The following DNAJC13 variants were observed in gnomAD, a reference collection of about 807,000 sequenced individuals.
DNAJC13 encodes DnaJ heat shock protein family (Hsp40) member C13.
Under a neutral mutation model 290.5 loss-of-function variants are expected in DNAJC13, and 75 were observed. The ratio of observed to expected loss-of-function variants is 0.26; its 90% CI spans 0.21 to 0.31. The LOEUF (loss-of-function observed/expected upper bound fraction) is 0.31. DNAJC13 is among the 10% of genes least tolerant of loss of function. The pLI, the probability that DNAJC13 is intolerant of heterozygous loss-of-function variation, is 1.00. For synonymous variants in DNAJC13, 862 were observed against 892.0 expected, an observed-to-expected ratio of 0.97 and a Z score of 0.60; for missense variants, 2,260 against 2,674.5, an observed-to-expected ratio of 0.85 and a Z score of 3.42.
chr3:132,536,442 G>A (rs1006328577), intron 55 of DNAJC13, among the ~76,000 whole-genome samples: 1 of 152,122 alleles, frequency 6.6e-6, no homozygotes, highest in Non-Finnish European at 1.5e-5. Context: ...ATCCAGCAAT[G>A]CCCCAGGGTG....
chr3:132,463,197 A>G (rs1359109775), intron 16 of DNAJC13, among the ~76,000 whole-genome samples: 1 of 152,262 alleles, frequency 6.6e-6, no homozygotes, highest in South Asian at 2.1e-4. Context: ...ATAGCACACA[A>G]TTAATCACAG....
chr3:132,525,279 G>A (rs1485068153), intron 51 of DNAJC13, among the ~76,000 whole-genome samples: 1 of 152,198 alleles, frequency 6.6e-6, no homozygotes, highest in Non-Finnish European at 1.5e-5. Context: ...GGCAGAGGTT[G>A]TGGTGAGCCG....
intron 44 of DNAJC13, among the ~76,000 whole-genome samples, chr3:132,511,684 T>G (rs1017500244): frequency 1.3e-5 from 2 of 152,116 alleles, no homozygotes; most frequent in African/African-American, 4.8e-5. Flanking sequence ...GTATAAAAAT[T>G]GAAATAAAGA....
chr3:132,494,025 GT>G (rs758851953), intron 33 of DNAJC13, 118 bp from the exon 34 acceptor site: 187 of 702,532 alleles, frequency 2.7e-4, no homozygotes, highest in Non-Finnish European at 3.8e-4. Flanking sequence ...TCAGAAAGCT[GT>G]TAATTGGACA....
In DNAJC13 at chr3:132,509,218, G is replaced by T. The variant is rs372541820; in HGVS notation, c.5116-1849G>T. ...TTCATGGGAGGAGGTAAAAATATCAGTATTAACAGGAGCTTGGAAGAAATT... is the reference window on the plus strand; with the variant it reads ...TTCATGGGAGGAGGTAAAAATATCATTATTAACAGGAGCTTGGAAGAAATT... On this transcript the variant is annotated intron_variant, in intron 43 of 55. Transcript: ENST00000260818. 1.1e-4 allele frequency among the ~76,000 whole-genome samples: 17 copies of T among 152,354 alleles called. No individual in the cohort carries two copies. In the East Asian group the frequency reaches 3.1e-3, roughly 28 times the overall value.
intron 32 of DNAJC13, among the ~76,000 whole-genome samples, chr3:132,491,387 C>G (rs1405203335): frequency 2.0e-5 from 3 of 152,122 alleles, no homozygotes; most frequent in Non-Finnish European, 4.4e-5. Context: ...AAAATCAAGA[C>G]ATACCTCTGG....
chr3:132,490,992 T>C lies in DNAJC13; in HGVS notation c.3564T>C (p.Phe1188=), dbSNP rs1363816240. Residue 1188 remains phenylalanine, a synonymous_variant, in exon 32 of 56, where the codon TTT becomes TTC. Transcript: ENST00000260818. ...CYLENYEPEK[F]SEIFLGEFDT... Reference sequence around the variant, plus strand: ...TAGAAAATTATGAACCTGAAAAGTTTTCTGAGATTTTTCTAGGAGAATTTG... The same window carrying C: ...TAGAAAATTATGAACCTGAAAAGTTCTCTGAGATTTTTCTAGGAGAATTTG... 2 of 1,612,976 alleles carry C rather than the reference T, an allele frequency of 1.2e-6. No individual in the cohort carries two copies. The highest frequency in any genetic ancestry group is 1.1e-5 in the South Asian group (1 of 90,910).
chr3:132,492,668 A>T, intron 33 of DNAJC13, 53 bp downstream of exon 33: 1 of 1,521,948 alleles, frequency 6.6e-7, no homozygotes, highest in African/African-American at 1.4e-5. Context: ...TAGCCTCTAA[A>T]CACTTCTGGG....
chr3:132,495,651 C>T (rs1576499645), intron 35 of DNAJC13, among the ~76,000 whole-genome samples: 1 of 152,024 alleles, frequency 6.6e-6, no homozygotes, highest in Non-Finnish European at 1.5e-5. Context: ...GTTTCATAAA[C>T]GATGAAATCA....
intron 26 of DNAJC13, 27 bp downstream of exon 26, chr3:132,480,497 A>G (rs759727155): frequency 6.0e-6 from 9 of 1,509,468 alleles, no homozygotes; most frequent in African/African-American, 4.1e-5. Context: ...ACGTTTTACA[A>G]ATTTAACGTT....
rs867234822 is a variant in DNAJC13, at chr3:132,471,615, A to G, written c.2209-1530A>G. 8.8e-3 allele frequency among the ~76,000 whole-genome samples: 1,116 copies of G among 127,542 alleles called. 24 individuals are homozygous for G. The highest frequency in any genetic ancestry group is 0.033 in the African/African-American group (1,008 of 30,148). 83.7% of individuals were successfully genotyped at this position (127,542 alleles called of 152,430 possible). A position where few individuals can be genotyped will look rare whatever the true frequency, so the allele number is the denominator to read the frequency against. On this transcript the variant is annotated intron_variant, in intron 20 of 55. Coordinates refer to ENST00000260818, the MANE Select transcript of DNAJC13 (RefSeq NM_015268.4). ...CTCCTCACATCCCAGATGGGGCGGC[A>G]GGGCAGAGGCGCTCCCCACATCTCA...
At chr3:132,456,094 G>A (rs1933589898) in intron 9 of DNAJC13, 141 bp from the exon 10 acceptor site, 1 of 671,956 alleles carries the variant, frequency 1.5e-6, no homozygotes, top group African/African-American at 1.8e-5. Context: ...TCTTCCTAAA[G>A]CCCCACTGTT....
chr3:132,460,610 T>A (rs1286993571), intron 14 of DNAJC13, among the ~76,000 whole-genome samples: 2 of 152,150 alleles, frequency 1.3e-5, no homozygotes, highest in Non-Finnish European at 2.9e-5. Context: ...TTTTCTTTCT[T>A]TAAAAATATC....
At chr3:132,459,106 T>C (rs1474598804) in intron 13 of DNAJC13, among the ~76,000 whole-genome samples, 1 of 152,218 alleles carries the variant, frequency 6.6e-6, no homozygotes, top group African/African-American at 2.4e-5. Context: ...ATTACTGTTA[T>C]ATCTATTTTG....
At chr3:132,528,545 G>A (rs534534087) in intron 54 of DNAJC13, among the ~76,000 whole-genome samples, 1 of 152,290 alleles carries the variant, frequency 6.6e-6, no homozygotes, top group African/African-American at 2.4e-5. Flanking sequence ...AATTCTTCTG[G>A]ATAGTGATGG....
At chr3:132,423,403 T>C (rs1576451279) in intron 1 of DNAJC13, among the ~76,000 whole-genome samples, 1 of 152,236 alleles carries the variant, frequency 6.6e-6, no homozygotes, top group African/African-American at 2.4e-5. Flanking sequence ...TGTAATACAT[T>C]TAAACGCTTA....
chr3:132,493,286 T>C (rs574963467), intron 33 of DNAJC13, among the ~76,000 whole-genome samples: 1 of 152,206 alleles, frequency 6.6e-6, no homozygotes, highest in East Asian at 1.9e-4. Context: ...GTTCTGTTAC[T>C]GTGGTGGAAC....
At chr3:132,426,055 TTGCCAGTATTAC>T (rs1939081343) in intron 1 of DNAJC13, among the ~76,000 whole-genome samples, 1 of 151,984 alleles carries the variant, frequency 6.6e-6, no homozygotes, top group Non-Finnish European at 1.5e-5. Flanking sequence ...CTTAAATGGT[TTGCCAGTATTAC>T]TGCCAGTAAT....
chr3:132,499,605 A>T, intron 37 of DNAJC13, 129 bp from the exon 38 acceptor site: 1 of 866,360 alleles, frequency 1.2e-6, no homozygotes, highest in Non-Finnish European at 1.8e-6. Context: ...TTATTAACAA[A>T]TGTTGATCAA....
Sources: allele counts gnomAD v4.1 joint callset (sites outside exome capture counted in the v4.1 genomes callset), GRCh38; gene constraint gnomAD v4.1.1; transcripts MANE v1.5; gene names NCBI Gene and HGNC (gene_info 2026-07-23, HGNC 2026-07-21).